ENTREP2: variants seen among roughly 807,000 people sequenced by gnomAD.
The protein encoded by ENTREP2 is protein ENTREP2.
At chr15:29,289,002 A>T in the ENTREP2 span, among the ~76,000 whole-genome samples, 55 of 151,938 alleles carry the variant, frequency 3.6e-4, no homozygotes, top group African/African-American at 1.3e-3. Context: ...CTCAGGAGTT[A>T]GAGACCAGCC....
chr15:29,477,123 C>G, the ENTREP2 span, among the ~76,000 whole-genome samples: 2 of 152,264 alleles, frequency 1.3e-5, no homozygotes, highest in South Asian at 4.2e-4. Context: ...TCTTCACAAA[C>G]ACACTGTTGA....
chr15:29,207,383 A>G, the ENTREP2 span, among the ~76,000 whole-genome samples: 1 of 150,142 alleles, frequency 6.7e-6, no homozygotes, highest in Non-Finnish European at 1.5e-5. Flanking sequence ...AGTGATAACA[A>G]AGTTTATTAC....
the ENTREP2 span, among the ~76,000 whole-genome samples, chr15:29,160,279 G>A: frequency 5.3e-5 from 8 of 152,216 alleles, no homozygotes; most frequent in Non-Finnish European, 1.0e-4. Context: ...TCCCTGCAAG[G>A]TGAGGGAACC....
chr15:29,489,054 A>G, the ENTREP2 span, among the ~76,000 whole-genome samples: 1 of 152,248 alleles, frequency 6.6e-6, no homozygotes. Flanking sequence ...GAGTGGTTAC[A>G]CAACGGTGTG....
the ENTREP2 span, among the ~76,000 whole-genome samples, chr15:29,298,584 T>A: frequency 6.6e-6 from 1 of 152,136 alleles, no homozygotes; most frequent in African/African-American, 2.4e-5. Flanking sequence ...TATCAACAAA[T>A]TTATAGGAAT....
chr15:29,569,028 A>C, the ENTREP2 span, among the ~76,000 whole-genome samples: 1 of 152,238 alleles, frequency 6.6e-6, no homozygotes, highest in Admixed American at 6.5e-5. Context: ...TGGTTCCAGC[A>C]GACTTAAACC....
At chr15:29,343,027 T>TTG in the ENTREP2 span, among the ~76,000 whole-genome samples, 3 of 130,886 alleles carry the variant, frequency 2.3e-5, no homozygotes, top group African/African-American at 8.1e-5. Context: ...TAAAAAGGAA[T>TTG]GGGGGGGGTG....
the ENTREP2 span, among the ~76,000 whole-genome samples, chr15:29,430,075 G>A: frequency 1.3e-5 from 2 of 152,218 alleles, no homozygotes; most frequent in Non-Finnish European, 1.5e-5. Flanking sequence ...AATCAATTCC[G>A]TGGGGAAAAC....
the ENTREP2 span, among the ~76,000 whole-genome samples, chr15:29,218,788 C>T: frequency 6.6e-6 from 1 of 152,180 alleles, no homozygotes; most frequent in Non-Finnish European, 1.5e-5. Context: ...ACTGGATCCT[C>T]ATCTCTCAAC....
At chr15:29,251,694 C>G in the ENTREP2 span, among the ~76,000 whole-genome samples, 1 of 147,608 alleles carries the variant, frequency 6.8e-6, no homozygotes, top group South Asian at 2.1e-4. Flanking sequence ...TGAATGTGGC[C>G]CAACACAAAT....
At chr15:29,197,831 G>A in the ENTREP2 span, among the ~76,000 whole-genome samples, 1 of 151,694 alleles carries the variant, frequency 6.6e-6, no homozygotes, top group African/African-American at 2.4e-5. Context: ...CATGAAACAA[G>A]TTATTTTCCT....
chr15:29,659,551 C>T, the ENTREP2 span, among the ~76,000 whole-genome samples: 1 of 152,154 alleles, frequency 6.6e-6, no homozygotes, highest in African/African-American at 2.4e-5. Flanking sequence ...ACAGAACAGA[C>T]TGGAACCACA....
At chr15:29,425,883 G>A in the ENTREP2 span, among the ~76,000 whole-genome samples, 17 of 151,626 alleles carry the variant, frequency 1.1e-4, no homozygotes, top group African/African-American at 2.9e-4. Flanking sequence ...CCACATTAGT[G>A]TCAACAATTC....
the ENTREP2 span, among the ~76,000 whole-genome samples, chr15:29,427,753 T>C: frequency 2.6e-5 from 4 of 152,200 alleles, no homozygotes; most frequent in African/African-American, 7.2e-5. Context: ...CCTTTTGCCA[T>C]GTAAAGTAAT....
chr15:29,603,902 G>A, the ENTREP2 span, among the ~76,000 whole-genome samples: 1 of 152,094 alleles, frequency 6.6e-6, no homozygotes, highest in African/African-American at 2.4e-5. Flanking sequence ...GCCTCCCAAA[G>A]TACTCCGATT....
the ENTREP2 span, chr15:29,120,649 CAG>C: frequency 6.6e-6 from 1 of 152,290 alleles, no homozygotes; most frequent in Non-Finnish European, 1.5e-5. Context: ...CTTTGGGTCT[CAG>C]GGGAGGGCAG....
chr15:29,332,275 C>T, the ENTREP2 span, among the ~76,000 whole-genome samples: 5 of 151,948 alleles, frequency 3.3e-5, no homozygotes, highest in South Asian at 2.1e-4. Flanking sequence ...ATGAAATCAT[C>T]GTGACCCCAG....
chr15:29,342,343 G>A, the ENTREP2 span, among the ~76,000 whole-genome samples: 2 of 152,184 alleles, frequency 1.3e-5, no homozygotes, highest in African/African-American at 4.8e-5. Flanking sequence ...AGCTCTATAG[G>A]AATGCGAAAC....
the ENTREP2 span, among the ~76,000 whole-genome samples, chr15:29,149,062 A>G: frequency 6.6e-6 from 1 of 152,010 alleles, no homozygotes; most frequent in Non-Finnish European, 1.5e-5. Context: ...TTTTTAGTAG[A>G]GACGGGGTTT....
Sources: gnomAD v4.1 joint callset for allele counts (sites outside exome capture counted in the v4.1 genomes callset) on GRCh38, gnomAD v4.1.1 for gene constraint, MANE v1.5 for transcripts, NCBI Gene and HGNC (gene_info 2026-07-23, HGNC 2026-07-21) for gene names.